PAH: variants seen among roughly 807,000 people sequenced by gnomAD.
PAH encodes the protein phenylalanine hydroxylase, also known as phenylalanine-4-hydroxylase.
In PAH, 64 loss-of-function variants were observed where a neutral mutation model predicts 62.0. That is an observed-to-expected ratio of 1.03 (90% CI 0.84 to 1.27). PAH has a LOEUF of 1.27. PAH is among the 50% of genes most tolerant of loss of function. The pLI is 0.00. For missense variants in PAH, 579 were observed against 542.8 expected, an observed-to-expected ratio of 1.07 and a Z score of -0.66; for synonymous variants, 195 against 196.2, an observed-to-expected ratio of 0.99 and a Z score of 0.05.
chr12:102,930,076 TA>T (rs1361136771), intron 1 of PAH, among the ~76,000 whole-genome samples: 2 of 152,240 alleles, frequency 1.3e-5, no homozygotes, highest in Non-Finnish European at 2.9e-5. Context: ...TATTTTCAAA[TA>T]CATTATCTGT....
intron 1 of PAH, among the ~76,000 whole-genome samples, chr12:102,924,257 A>T (rs1487745493): frequency 1.3e-5 from 2 of 152,204 alleles, no homozygotes; most frequent in African/African-American, 4.8e-5. Flanking sequence ...GGGATTCTCC[A>T]TCTCTTAGCA....
exon 1 of PAH, chr12:102,958,303 C>T: frequency 6.8e-7 from 1 of 1,478,528 alleles, no homozygotes. Context: ...CAGCCGCAGC[C>T]CCAGCAGCCC....
intron 8 of PAH, 123 bp from the exon 9 acceptor site, chr12:102,847,074 C>G: frequency 3.9e-6 from 3 of 763,366 alleles, no homozygotes; most frequent in Non-Finnish European, 4.7e-6. Context: ...CACATAGACC[C>G]TGAGTGTGTT....
At chr12:102,945,674 T>C (rs1879467402) in intron 1 of PAH, among the ~76,000 whole-genome samples, 1 of 152,048 alleles carries the variant, frequency 6.6e-6, no homozygotes, top group Non-Finnish European at 1.5e-5. Flanking sequence ...TGCTGCAAGG[T>C]CTGGGACTCT....
rs1202020573 is a variant in PAH at position 102,837,436 on chromosome 12, G to T, written c.*1739C>A. On this transcript the variant is annotated 3_prime_UTR_variant, in exon 13 of 13. Transcript: ENST00000553106. ...AACATCAGAATAATCCCTTTGCAGG[G>T]ATTGTTTGGTGTTTAGAGTAAAAGC... 6.6e-6 allele frequency: 1 copy of T among 152,182 alleles called. No homozygotes were observed. The highest frequency in any genetic ancestry group is 1.5e-5 in the Non-Finnish European group (1 of 68,038). The allele number at this position is 152,182 out of a possible 1,614,324, so 9.4% of individuals were successfully genotyped here. A position where few individuals can be genotyped will look rare whatever the true frequency, so the allele number is the denominator to read the frequency against.
chr12:102,910,439 G>A (rs1055746929), intron 2 of PAH, among the ~76,000 whole-genome samples: 2 of 150,740 alleles, frequency 1.3e-5, no homozygotes, highest in African/African-American at 4.9e-5. Context: ...GGCACGATCC[G>A]GGCTCACTGC....
Position 102,957,356 on chromosome 12 carries a change from A to C in PAH, c.-96+839T>G, listed in dbSNP as rs888751064. Reference sequence around the variant, plus strand: ...CGCCCCCCACCCCCTTCCTAAAGCCACCCCCGGCAGCAGCCCGCCCCGAGC... The same window carrying C: ...CGCCCCCCACCCCCTTCCTAAAGCCCCCCCCGGCAGCAGCCCGCCCCGAGC... On this transcript the variant is annotated intron_variant, in intron 1 of 4. Transcript: ENST00000551337. The surrounding 1 kb of genome is among the most constrained non-coding windows in gnomAD (Gnocchi z 4.1). Among the ~76,000 whole-genome samples, 2 of 148,322 alleles carry C rather than the reference A, an allele frequency of 1.3e-5. No homozygotes were observed. Among genetic ancestry groups the C allele is most frequent in the East Asian group, 2.0e-4 (1 of 5,062 alleles).
At position 102,958,082 on chromosome 12, in the gene PAH, AT is replaced by A. The variant is rs529317581; in HGVS notation, c.-96+112del. 1.5e-3 allele frequency: 735 copies of A among 477,026 alleles called. 6 individuals carry two copies. The highest frequency in any genetic ancestry group is 0.014 in the African/African-American group (674 of 49,362). The allele number at this position is 477,026 out of a possible 1,614,324, so 29.5% of individuals were successfully genotyped here. On this transcript the variant is annotated intron_variant, in intron 1 of 4. Transcript: ENST00000551337. ...TCCCACTCTAAGAAGTCTCCCGGGG[AT>A]TTTGTATATATTTTTTAACTTCCGT...
At chr12:102,855,094 C>T in intron 6 of PAH, 42 bp downstream of exon 6, 1 of 1,530,028 alleles carries the variant, frequency 6.5e-7, no homozygotes, top group Non-Finnish European at 9.1e-7. Context: ...CTCAATCCTC[C>T]CCCAACTTTC....
rs192738952 is a variant in PAH at position 102,957,492 on chromosome 12, G to C, written c.-96+703C>G. ...AAGGAGCGGGAGAAAGGAACGGGAG[G>C]GGGGGAGAGGAGAGGAGGAGGGGGA... On this transcript the variant is annotated intron_variant, in intron 1 of 4. Transcript: ENST00000551337. The surrounding 1 kb of genome is among the most constrained non-coding windows in gnomAD (Gnocchi z 4.1). Among the ~76,000 whole-genome samples, 6 of 64,882 alleles carry C rather than the reference G, an allele frequency of 9.2e-5. No individual in the cohort carries two copies. The highest frequency in any genetic ancestry group is 6.5e-4 in the South Asian group (2 of 3,056). 42.6% of individuals were successfully genotyped at this position (64,882 alleles called of 152,430 possible).
chr12:102,839,767 T>C (rs567295092), intron 12 of PAH, among the ~76,000 whole-genome samples: 4 of 152,340 alleles, frequency 2.6e-5, no homozygotes, highest in South Asian at 4.1e-4. Flanking sequence ...GATGAAGGTG[T>C]GATGCAGCCT....
At chr12:102,911,119 GC>G (rs1055365686) in intron 2 of PAH, among the ~76,000 whole-genome samples, 6 of 152,178 alleles carry the variant, frequency 3.9e-5, no homozygotes, top group African/African-American at 9.7e-5. Flanking sequence ...CTTGGTAGGG[GC>G]TTGGCTGTCA....
At chr12:102,902,253 A>C (rs1332842621) in intron 2 of PAH, among the ~76,000 whole-genome samples, 1 of 152,216 alleles carries the variant, frequency 6.6e-6, no homozygotes, top group Admixed American at 6.5e-5. Flanking sequence ...CAGAGTGAGC[A>C]GGAAGCGGGG....
intron 3 of PAH, among the ~76,000 whole-genome samples, chr12:102,884,564 C>T (rs570946993): frequency 3.3e-5 from 5 of 152,324 alleles, no homozygotes; most frequent in South Asian, 2.1e-4. Flanking sequence ...GTGAAATGGG[C>T]AAGGTGCTGA....
intron 3 of PAH, among the ~76,000 whole-genome samples, chr12:102,879,990 T>C (rs572133392): frequency 2.6e-5 from 4 of 152,338 alleles, no homozygotes; most frequent in Non-Finnish European, 4.4e-5. Flanking sequence ...ATTTCACATA[T>C]GCTACCCCCT....
At chr12:102,952,644 A>C (rs1228084392), upstream of PAH, among the ~76,000 whole-genome samples, 1 of 152,192 alleles carries the variant, frequency 6.6e-6, no homozygotes, top group Non-Finnish European at 1.5e-5. Context: ...CCTTATTTGG[A>C]GAACTTCAAA....
intron 3 of PAH, among the ~76,000 whole-genome samples, chr12:102,881,075 G>A (rs1876793827): frequency 6.6e-6 from 1 of 150,892 alleles, no homozygotes; most frequent in South Asian, 2.1e-4. Flanking sequence ...GTGCAGTGTT[G>A]TTGTCTCGGC....
intron 2 of PAH, among the ~76,000 whole-genome samples, chr12:102,907,613 T>G (rs1373207441): frequency 6.6e-6 from 1 of 152,020 alleles, no homozygotes; most frequent in Non-Finnish European, 1.5e-5. Flanking sequence ...TCTTTTCTTT[T>G]TTTTTTTGTG....
In PAH at chr12:102,855,411, C is replaced by T. The variant is rs1184676321; in HGVS notation, c.510-79G>A. On this transcript the variant is annotated intron_variant, in intron 5 of 12. Coordinates refer to ENST00000553106, the MANE Select transcript of PAH (RefSeq NM_000277.3). ...CGCAGGTTAGGTTAGCAGAGGGAGT[C>T]GGGGACCAGAACCTGTGAGCTGCCA... is the stretch of plus-strand genomic sequence containing the variant. The T allele has an allele frequency of 1.2e-5, 14 of 1,131,058 alleles. No individual in the cohort carries two copies. The East Asian group carries it at 2.0e-4, about 16-fold the overall frequency. The allele number at this position is 1,131,058 out of a possible 1,614,324, so 70.1% of individuals were successfully genotyped here. A position where few individuals can be genotyped will look rare whatever the true frequency, so the allele number is the denominator to read the frequency against.
Sources: gnomAD v4.1 joint callset for allele counts (sites outside exome capture counted in the v4.1 genomes callset) on GRCh38, gnomAD v4.1.1 for gene constraint, Gnocchi (gnomAD v3.1) non-coding constraint, MANE v1.5 for transcripts, NCBI Gene and HGNC (gene_info 2026-07-23, HGNC 2026-07-21) for gene names.